NUAK1: variants seen among roughly 807,000 people sequenced by gnomAD.
NUAK1 encodes the protein NUAK family SNF1-like kinase 1.
Under a neutral mutation model 56.9 loss-of-function variants are expected in NUAK1, and 26 were observed. That is an observed-to-expected ratio of 0.46 (90% CI 0.33 to 0.63). The LOEUF is 0.63. NUAK1 is among the 30% of genes least tolerant of loss of function. The pLI is 0.02. For missense variants in NUAK1, 727 were observed against 876.1 expected (o/e 0.83, Z 2.15); for synonymous variants, 337 against 336.0 (o/e 1.00, Z -0.03).
intron 4 of NUAK1, among the ~76,000 whole-genome samples, chr12:106,083,504 T>G (rs1451362030): frequency 6.6e-6 from 1 of 152,214 alleles, no homozygotes; most frequent in Admixed American, 6.5e-5. Context: ...AAAGATTGAA[T>G]TTAAGTGATA....
At chr12:106,072,361 C>T (rs2032414759) in intron 5 of NUAK1, among the ~76,000 whole-genome samples, 2 of 152,104 alleles carry the variant, frequency 1.3e-5, no homozygotes, top group Non-Finnish European at 2.9e-5. Context: ...TAGTAAAGGG[C>T]AAGATATACA....
At chr12:106,122,650 A>T (rs2032989603) in intron 1 of NUAK1, among the ~76,000 whole-genome samples, 1 of 152,186 alleles carries the variant, frequency 6.6e-6, no homozygotes, top group African/African-American at 2.4e-5. Context: ...TGTATCCCCA[A>T]ATGAATACAG....
chr12:106,078,882 G>A (rs1448275265), intron 4 of NUAK1, among the ~76,000 whole-genome samples: 1 of 152,188 alleles, frequency 6.6e-6, no homozygotes, highest in Non-Finnish European at 1.5e-5. Flanking sequence ...CTGGCCATCA[G>A]CCACCATTAG....
At chr12:106,068,506 A>G (rs920953784) in intron 6 of NUAK1, among the ~76,000 whole-genome samples, 1 of 152,246 alleles carries the variant, frequency 6.6e-6, no homozygotes, top group Non-Finnish European at 1.5e-5. Flanking sequence ...GGCCATCTCC[A>G]AAGCTGGCCT....
Position 106,086,886 on chromosome 12 carries a change from C to T in NUAK1, c.362-1G>A. On this transcript the variant is annotated splice_acceptor_variant, in intron 2 of 6. Transcript: ENST00000261402. LOFTEE classifies it high-confidence loss of function. ...ACAATCTTATCTTTGTTCTCAAACACTGCAGAGGGAAAACAGCAATACACA... is the reference window on the plus strand; with the variant it reads ...ACAATCTTATCTTTGTTCTCAAACATTGCAGAGGGAAAACAGCAATACACA... The T allele has an allele frequency of 6.2e-7, 1 of 1,611,898 alleles. No individual in the cohort carries two copies. The highest frequency in any genetic ancestry group is 1.1e-5 in the South Asian group (1 of 90,992).
chr12:106,083,818 G>A, intron 4 of NUAK1, 46 bp downstream of exon 4: 1 of 1,561,054 alleles, frequency 6.4e-7, no homozygotes, highest in Non-Finnish European at 8.8e-7. Flanking sequence ...CCATCCGGCT[G>A]CAAGACCCAG....
chr12:106,120,507 C>T (rs945377784), intron 1 of NUAK1, among the ~76,000 whole-genome samples: 2 of 151,562 alleles, frequency 1.3e-5, no homozygotes, highest in African/African-American at 4.9e-5. Flanking sequence ...ACTCAGAGGA[C>T]GATGTCGGGG....
chr12:106,084,044 A>G (rs2032547665), intron 3 of NUAK1, 115 bp from the exon 4 acceptor site: 4 of 891,530 alleles, frequency 4.5e-6, no homozygotes, highest in Non-Finnish European at 7.3e-6. Context: ...AAAGAAATGC[A>G]CCAGCCCGGT....
intron 1 of NUAK1, among the ~76,000 whole-genome samples, chr12:106,122,527 C>T (rs899419335): frequency 1.3e-5 from 2 of 152,122 alleles, no homozygotes; most frequent in Non-Finnish European, 2.9e-5. Context: ...AATTGTTTGC[C>T]ATTATTATTA....
intron 4 of NUAK1, among the ~76,000 whole-genome samples, chr12:106,080,594 A>G (rs933831711): frequency 3.9e-5 from 6 of 152,358 alleles, no homozygotes; most frequent in Admixed American, 3.9e-4. Context: ...TGCCAGATAA[A>G]TAATTTCCAA....
intron 1 of NUAK1, among the ~76,000 whole-genome samples, chr12:106,116,747 A>T (rs2032921004): frequency 6.6e-6 from 1 of 152,218 alleles, no homozygotes; most frequent in African/African-American, 2.4e-5. Context: ...TGAAGGCCCC[A>T]TCGAGGCCGC....
In NUAK1 at chr12:106,138,445, T is replaced by C. The variant is rs770530605; in HGVS notation, c.209A>G (p.Lys70Arg). 8.1e-6 allele frequency: 13 copies of C among 1,611,006 alleles called. No homozygotes were observed. In the African/African-American group the frequency reaches 1.1e-4, roughly 13 times the overall value. The change falls in exon 1 of 7, where the codon AAG becomes AGG. Residue 70 changes from lysine (K) to arginine (R), a missense_variant. Lys to Arg is a conservative substitution (Grantham distance 26). Coordinates refer to ENST00000261402, the MANE Select transcript of NUAK1 (RefSeq NM_014840.3). The surrounding 1 kb of genome is among the most constrained non-coding windows in gnomAD (Gnocchi z 5.0). Reference sequence around the variant, plus strand: ...GCCAGAAAACCTCTCGGTGGCCCGCTTGACTTTGCCGTAGGTGCCTTTGCC... The same window carrying C: ...GCCAGAAAACCTCTCGGTGGCCCGCCTGACTTTGCCGTAGGTGCCTTTGCC... ...TLGKGTYGKV[K>R]RATERFSGRV...
intron 1 of NUAK1, among the ~76,000 whole-genome samples, chr12:106,113,613 G>A (rs892415752): frequency 2.0e-5 from 3 of 150,924 alleles, no homozygotes; most frequent in South Asian, 4.3e-4. Flanking sequence ...CTTAAAGCAG[G>A]GTAAATGTGG....
intron 1 of NUAK1, among the ~76,000 whole-genome samples, chr12:106,106,784 GT>G (rs1467263709): frequency 6.6e-6 from 1 of 152,092 alleles, no homozygotes; most frequent in South Asian, 2.1e-4. Flanking sequence ...TTTTGTTTTT[GT>G]TTTTTCATAA....
In NUAK1 at chr12:106,066,678, G is replaced by A; in HGVS notation, c.*124C>T. On this transcript the variant is annotated 3_prime_UTR_variant, in exon 7 of 7. Coordinates refer to ENST00000261402, the MANE Select transcript of NUAK1 (RefSeq NM_014840.3). ...CTCAAGGCTGCAAACTTGGCCAAGTGAGACAGTGCCAATCCTTTTTCAGTC... is the reference window on the plus strand; with the variant it reads ...CTCAAGGCTGCAAACTTGGCCAAGTAAGACAGTGCCAATCCTTTTTCAGTC... 1 of 857,772 alleles carries A rather than the reference G, an allele frequency of 1.2e-6. No individual in the cohort carries two copies. The highest frequency in any genetic ancestry group is 1.8e-6 in the Non-Finnish European group (1 of 546,864). 53.1% of individuals were successfully genotyped at this position (857,772 alleles called of 1,614,324 possible). A position where few individuals can be genotyped will look rare whatever the true frequency, so the allele number is the denominator to read the frequency against.
intron 2 of NUAK1, 91 bp downstream of exon 2, chr12:106,106,314 C>T (rs1211882444): frequency 1.6e-6 from 2 of 1,237,064 alleles, no homozygotes; most frequent in African/African-American, 3.1e-5. Context: ...GGCTTCTGCC[C>T]AGAAGGGCAA....
At position 106,106,401 on chromosome 12, in the gene NUAK1, T is replaced by C; in HGVS notation, c.361+4A>G. The C allele has an allele frequency of 6.3e-7, 1 of 1,594,442 alleles. No homozygotes were observed. On this transcript the variant is annotated splice_donor_region_variant and intron_variant, in intron 2 of 6. Coordinates refer to ENST00000261402, the MANE Select transcript of NUAK1 (RefSeq NM_014840.3). ...GGGGGTTAAAAAAAAAAAAAATCAC[T>C]GACCTTCATAAATACTGATGATATG...
At chr12:106,071,459 G>A (rs2032406171) in intron 5 of NUAK1, among the ~76,000 whole-genome samples, 1 of 152,146 alleles carries the variant, frequency 6.6e-6, no homozygotes, top group African/African-American at 2.4e-5. Context: ...GAGACAAACT[G>A]TACAGTACAT....
At chr12:106,068,563 T>C (rs1416163045) in intron 6 of NUAK1, among the ~76,000 whole-genome samples, 1 of 152,238 alleles carries the variant, frequency 6.6e-6, no homozygotes, top group East Asian at 1.9e-4. Flanking sequence ...TCAGTGAGCT[T>C]GCCTTCTTTC....
Sources: gnomAD v4.1 joint callset for allele counts (sites outside exome capture counted in the v4.1 genomes callset) on GRCh38, gnomAD v4.1.1 for gene constraint, Gnocchi (gnomAD v3.1) non-coding constraint, MANE v1.5 for transcripts, NCBI Gene and HGNC (gene_info 2026-07-23, HGNC 2026-07-21) for gene names.